Variants in ZNF891 observed in about 807,000 individuals in gnomAD.
The protein encoded by ZNF891 is zinc finger protein 891.
For synonymous variants in ZNF891, 199 were observed against 209.0 expected (o/e 0.95, Z 0.41); for missense variants, 589 against 632.7 (o/e 0.93, Z 0.74).
At position 133,105,407 on chromosome 12, in the gene ZNF891, A is replaced by C. The variant is rs1470491723; in HGVS notation, c.*14877T>G. 8.0e-7 allele frequency: 1 copy of C among 1,257,358 alleles called. No homozygotes were observed. The highest frequency in any genetic ancestry group is 1.5e-5 in the African/African-American group (1 of 65,814). 77.9% of individuals were successfully genotyped at this position (1,257,358 alleles called of 1,614,324 possible). A position where few individuals can be genotyped will look rare whatever the true frequency, so the allele number is the denominator to read the frequency against. ...ACAGCTGTGAAAGCTGCTATTGATA[A>C]GATTTTTTGAAACTTCATTCTGTTG... is the stretch of plus-strand genomic sequence containing the variant. On this transcript the variant is annotated 3_prime_UTR_variant, in exon 2 of 2. Transcript: ENST00000537226.
rs1209266440 is a variant in ZNF891, at chr12:133,105,362, A to T, written c.*14922T>A. The T allele has an allele frequency of 1.3e-6, 1 of 741,150 alleles. No homozygotes were observed. The highest frequency in any genetic ancestry group is 2.1e-6 in the Non-Finnish European group (1 of 466,642). 45.9% of individuals were successfully genotyped at this position (741,150 alleles called of 1,614,324 possible). On this transcript the variant is annotated 3_prime_UTR_variant, in exon 2 of 2. Coordinates refer to ENST00000537226, the MANE Select transcript of ZNF891 (RefSeq NM_001277291.2). ...TTTGATCTTTTCTGAAGTTCTGGGCATACTACTCAGATTTCAGTCACAGCT... is the reference window on the plus strand; with the variant it reads ...TTTGATCTTTTCTGAAGTTCTGGGCTTACTACTCAGATTTCAGTCACAGCT...
At position 133,105,784 on chromosome 12, in the gene ZNF891, T is replaced by C; in HGVS notation, c.*14500A>G. On this transcript the variant is annotated 3_prime_UTR_variant, in exon 2 of 2. Transcript: ENST00000537226. ...ATGGATGCCATGAATGTGGAAAAAC[T>C]TTTGGTCGACGCTTTTCCCTGGTGT... 6.2e-7 allele frequency: 1 copy of C among 1,614,108 alleles called. No homozygotes were observed. Among genetic ancestry groups the C allele is most frequent in the Non-Finnish European group, 8.5e-7 (1 of 1,180,026 alleles).
intron 1 of ZNF891, among the ~76,000 whole-genome samples, chr12:133,126,691 C>A (rs1327196825): frequency 1.3e-5 from 2 of 148,720 alleles, no homozygotes; most frequent in Admixed American, 1.3e-4. Flanking sequence ...TTGGTGCACA[C>A]CTGTAATCCC....
intron 1 of ZNF891, among the ~76,000 whole-genome samples, chr12:133,123,335 T>C (rs1955782968): frequency 2.0e-5 from 3 of 152,154 alleles, no homozygotes; most frequent in Non-Finnish European, 2.9e-5. Context: ...ACTCAACAAT[T>C]TGAGTAAACC....
Position 133,116,443 on chromosome 12 carries a change from ACC to A in ZNF891, c.*3839_*3840del, listed in dbSNP as rs1955715653. The A allele has an allele frequency of 6.6e-6, 1 of 152,228 alleles. No individual in the cohort carries two copies. Among genetic ancestry groups the A allele is most frequent in the African/African-American group, 2.4e-5 (1 of 41,432 alleles). The allele number at this position is 152,228 out of a possible 1,614,324, so 9.4% of individuals were successfully genotyped here. A position where few individuals can be genotyped will look rare whatever the true frequency, so the allele number is the denominator to read the frequency against. Reference sequence around the variant, plus strand: ...TCTAACTACTGATGGCTAGTGCTATACCCACCAGGGCTGCTAACACCTGAAAC... The same window carrying A: ...TCTAACTACTGATGGCTAGTGCTATACACCAGGGCTGCTAACACCTGAAAC... On this transcript the variant is annotated 3_prime_UTR_variant, in exon 2 of 2. Coordinates refer to ENST00000537226, the MANE Select transcript of ZNF891 (RefSeq NM_001277291.2).
Position 133,106,799 on chromosome 12 carries a change from GA to G in ZNF891, c.*13484del, listed in dbSNP as rs201813395. ...CCCACACTTTATTCACCACCCTGGA[GA>G]AAAAAAAACCCAGGAATATGTGGAA... On this transcript the variant is annotated 3_prime_UTR_variant, in exon 2 of 2. Coordinates refer to ENST00000537226, the MANE Select transcript of ZNF891 (RefSeq NM_001277291.2). 16 of 621,392 alleles carry G rather than the reference GA, an allele frequency of 2.6e-5. No homozygotes were observed. Among genetic ancestry groups the G allele is most frequent in the South Asian group, 4.1e-5 (1 of 24,414 alleles). The allele number at this position is 621,392 out of a possible 1,614,324, so 38.5% of individuals were successfully genotyped here.
intron 1 of ZNF891, among the ~76,000 whole-genome samples, chr12:133,129,783 G>C (rs1407224291): frequency 2.6e-5 from 4 of 152,156 alleles, no homozygotes; most frequent in Non-Finnish European, 4.4e-5. Flanking sequence ...GAGTATTAAA[G>C]AAATAAAACC....
chr12:133,113,485 C>A lies in ZNF891; in HGVS notation c.*6799G>T, dbSNP rs1019510063. ...TCATAATGTATCAAATATATCTCCA[C>A]ATGTCAATCCACACAAATACATTTT... On this transcript the variant is annotated 3_prime_UTR_variant, in exon 2 of 2. Coordinates refer to ENST00000537226, the MANE Select transcript of ZNF891 (RefSeq NM_001277291.2). 1 of 152,166 alleles carries A rather than the reference C, an allele frequency of 6.6e-6. No individual in the cohort carries two copies. The highest frequency in any genetic ancestry group is 2.4e-5 in the African/African-American group (1 of 41,442). 9.4% of individuals were successfully genotyped at this position (152,166 alleles called of 1,614,324 possible).
At position 133,105,861 on chromosome 12, in the gene ZNF891, G is replaced by A; in HGVS notation, c.*14423C>T. Reference sequence around the variant, plus strand: ...AAACCATATGCATGTAAGGAATGTGGCAAAACCTTTAGCCAGATTTCAAAC... The same window carrying A: ...AAACCATATGCATGTAAGGAATGTGACAAAACCTTTAGCCAGATTTCAAAC... On this transcript the variant is annotated 3_prime_UTR_variant, in exon 2 of 2. Coordinates refer to ENST00000537226, the MANE Select transcript of ZNF891 (RefSeq NM_001277291.2). 6.2e-7 allele frequency: 1 copy of A among 1,614,092 alleles called. No individual in the cohort carries two copies. Among genetic ancestry groups the A allele is most frequent in the South Asian group, 1.1e-5 (1 of 91,052 alleles).
intron 1 of ZNF891, among the ~76,000 whole-genome samples, chr12:133,129,807 C>G (rs1340421449): frequency 2.6e-5 from 4 of 152,178 alleles, no homozygotes; most frequent in African/African-American, 9.7e-5. Context: ...TCGCATTCAA[C>G]CACAGTATAA....
intron 1 of ZNF891, among the ~76,000 whole-genome samples, chr12:133,129,479 C>A (rs1266948535): frequency 5.3e-5 from 6 of 113,994 alleles, no homozygotes; most frequent in Admixed American, 4.2e-4. Context: ...CCAGCCTGGG[C>A]AACAAAGAGC....
At position 133,121,955 on chromosome 12, in the gene ZNF891, G is replaced by A. The variant is rs1955767344; in HGVS notation, c.-37C>T. The A allele has an allele frequency of 6.8e-7, 1 of 1,473,666 alleles. No individual in the cohort carries two copies. The highest frequency in any genetic ancestry group is 9.0e-7 in the Non-Finnish European group (1 of 1,115,032). 91.3% of individuals were successfully genotyped at this position (1,473,666 alleles called of 1,614,324 possible). A position where few individuals can be genotyped will look rare whatever the true frequency, so the allele number is the denominator to read the frequency against. ...ATAAGCCTGCACAGTAGAGTAGAGA[G>A]ATCAGGATGTTTCTGTTCTTGTGTC... On this transcript the variant is annotated 5_prime_UTR_variant, in exon 2 of 2. Transcript: ENST00000537226.
rs1327969327 is a variant in ZNF891 at position 133,105,249 on chromosome 12, C to A, written c.*15035G>T. ...AAGAAGACTAGCAACCTATCCTTCACAAATATTTCCTGATAGCTCTATTTT... is the reference window on the plus strand; with the variant it reads ...AAGAAGACTAGCAACCTATCCTTCAAAAATATTTCCTGATAGCTCTATTTT... On this transcript the variant is annotated 3_prime_UTR_variant, in exon 2 of 2. Transcript: ENST00000537226. 6.6e-6 allele frequency among the ~76,000 whole-genome samples: 1 copy of A among 152,186 alleles called. No homozygotes were observed. The highest frequency in any genetic ancestry group is 1.5e-5 in the Non-Finnish European group (1 of 68,030).
Position 133,120,622 on chromosome 12 carries a change from CAT to C in ZNF891, c.1295_1296del (p.Tyr432Ter). On this transcript the variant is annotated frameshift_variant, in exon 2 of 2. Coordinates refer to ENST00000537226, the MANE Select transcript of ZNF891 (RefSeq NM_001277291.2). LOFTEE classifies it low-confidence loss of function (END_TRUNC). ...HKRIHTGEKL[Y>X]ECSECGKAFN... is the part of the protein sequence containing the mutation. ...AAGGCTTTTCCACACTCACTGCATT[CAT>C]AGAGTTTTTCTCCAGTGTGTATTCT... 6.4e-7 allele frequency: 1 copy of C among 1,560,470 alleles called. No individual in the cohort carries two copies. The highest frequency in any genetic ancestry group is 8.7e-7 in the Non-Finnish European group (1 of 1,153,506).
chr12:133,122,293 A>C (rs527941738), intron 1 of ZNF891: 2 of 946,702 alleles, frequency 2.1e-6, no homozygotes, highest in African/African-American at 3.5e-5. Context: ...TTAAAAATGT[A>C]AACTAAAGAG....
rs1213312789 is a variant in ZNF891 at position 133,121,534 on chromosome 12, T to C, written c.385A>G (p.Ile129Val). 1 of 1,536,420 alleles carries C rather than the reference T, an allele frequency of 6.5e-7. No homozygotes were observed. Among genetic ancestry groups the C allele is most frequent in the South Asian group, 1.2e-5 (1 of 84,064 alleles). Residue 129 changes from isoleucine to valine, a missense_variant, in exon 2 of 2, where the codon ATT (isoleucine) becomes GTT (valine). Coordinates refer to ENST00000537226, the MANE Select transcript of ZNF891 (RefSeq NM_001277291.2). ...GCATTGGATGGTTCCTCCCACAAAATTTTCTGCACAGTTGATTCTTTGGTT... is the reference window on the plus strand; with the variant it reads ...GCATTGGATGGTTCCTCCCACAAAACTTTCTGCACAGTTGATTCTTTGGTT... Reference protein sequence around the residue: ...PKTKESTVQKILWEEPSNAVK... With the variant: ...PKTKESTVQKVLWEEPSNAVK...
In ZNF891 at chr12:133,105,523, T is replaced by C. The variant is rs1398532266; in HGVS notation, c.*14761A>G. 3.8e-6 allele frequency: 6 copies of C among 1,598,612 alleles called. No individual in the cohort carries two copies. The highest frequency in any genetic ancestry group is 5.1e-6 in the Non-Finnish European group (6 of 1,173,918). On this transcript the variant is annotated 3_prime_UTR_variant, in exon 2 of 2. Coordinates refer to ENST00000537226, the MANE Select transcript of ZNF891 (RefSeq NM_001277291.2). Reference sequence around the variant, plus strand: ...GGTATCTTTCAGTTTCAGAGTCAAGTGGTGAGATCAAAGACTTTTCACCAA... The same window carrying C: ...GGTATCTTTCAGTTTCAGAGTCAAGCGGTGAGATCAAAGACTTTTCACCAA...
chr12:133,128,913 A>T (rs1184827619), intron 1 of ZNF891, among the ~76,000 whole-genome samples: 2 of 152,096 alleles, frequency 1.3e-5, no homozygotes, highest in Non-Finnish European at 2.9e-5. Context: ...CAACAAAAAA[A>T]CCAAAACCAA....
chr12:133,122,394 T>G (rs182025065), intron 1 of ZNF891: 6 of 202,842 alleles, frequency 3.0e-5, no homozygotes, highest in East Asian at 3.7e-4. Flanking sequence ...AAACAAACAA[T>G]TTCCCTGTGA....
Sources: allele counts gnomAD v4.1 joint callset (sites outside exome capture counted in the v4.1 genomes callset), GRCh38; gene constraint gnomAD v4.1.1; transcripts MANE v1.5; gene names NCBI Gene and HGNC (gene_info 2026-07-23, HGNC 2026-07-21).